Variants in MED1 observed in about 807,000 individuals in gnomAD.
MED1 encodes the protein mediator complex subunit 1, also known as mediator of RNA polymerase II transcription subunit 1.
In MED1, 17 loss-of-function variants were observed where a neutral mutation model predicts 121.3. The observed-to-expected ratio is 0.14, with a 90% CI of 0.10 to 0.21. MED1 has a LOEUF of 0.21. Ranked by LOEUF, MED1 falls within the 10% of genes least tolerant of loss-of-function variation. The probability of loss-of-function intolerance (pLI) is 1.00; values close to 1 mark genes in which losing one functional copy is unlikely to be tolerated. For synonymous variants in MED1, 661 were observed against 694.4 expected, an observed-to-expected ratio of 0.95 and a Z score of 0.76; for missense variants, 1,558 against 1,919.4, an observed-to-expected ratio of 0.81 and a Z score of 3.52.
At chr17:39,428,212 C>T (rs560905563) in intron 9 of MED1, among the ~76,000 whole-genome samples, 4 of 152,100 alleles carry the variant, frequency 2.6e-5, no homozygotes, top group Admixed American at 1.3e-4. Context: ...TGGCCAGGTG[C>T]GGTGGCTCAT....
intron 14 of MED1, among the ~76,000 whole-genome samples, chr17:39,417,990 G>A (rs369379652): frequency 3.3e-5 from 5 of 149,484 alleles, no homozygotes; most frequent in Admixed American, 1.4e-4. Context: ...AGAGGCTGAC[G>A]CAGGAGAATC....
intron 6 of MED1, among the ~76,000 whole-genome samples, chr17:39,436,367 A>C (rs1197923437): frequency 8.6e-6 from 1 of 116,412 alleles, no homozygotes; most frequent in East Asian, 2.8e-4. Flanking sequence ...ACTCAAAAAA[A>C]AGAAAAAAAA....
At chr17:39,450,304 C>G (rs2048770192) in intron 1 of MED1, among the ~76,000 whole-genome samples, 1 of 152,150 alleles carries the variant, frequency 6.6e-6, no homozygotes, top group African/African-American at 2.4e-5. Flanking sequence ...GAGAAACCTG[C>G]TGATAAATAT....
chr17:39,447,783 C>T lies in MED1; in HGVS notation c.132+15G>A, dbSNP rs755586354. On this transcript the variant is annotated intron_variant, in intron 2 of 16. Coordinates refer to ENST00000300651, the MANE Select transcript of MED1 (RefSeq NM_004774.4). ...TCTAAGCAAAACACTTTACCCACTT[C>T]ACCACAATCCTTACCATGACTTGAC... 2.5e-6 allele frequency: 4 copies of T among 1,583,654 alleles called. No homozygotes were observed. Among genetic ancestry groups the T allele is most frequent in the Non-Finnish European group, 3.5e-6 (4 of 1,154,690 alleles).
chr17:39,415,388 C>A (rs1370034919), intron 14 of MED1, 49 bp from the exon 15 acceptor site: 1 of 1,515,412 alleles, frequency 6.6e-7, no homozygotes, highest in Non-Finnish European at 9.1e-7. Context: ...TAAGACTTCA[C>A]ACAGGCTGGG....
At chr17:39,427,613 C>T (rs571385672) in intron 10 of MED1, 88 bp downstream of exon 10, 1 of 937,826 alleles carries the variant, frequency 1.1e-6, no homozygotes. Context: ...GTAAGGTCAA[C>T]AAACTCATTA....
intron 16 of MED1, among the ~76,000 whole-genome samples, chr17:39,414,634 CTTTTTTTTTTTTTTTTTTTTTTT>C (rs55829399): frequency 1.3e-4 from 8 of 61,558 alleles, no homozygotes; most frequent in Admixed American, 4.1e-4. Context: ...CAGGCCCGGC[CTTTTTTTTTTTTTTTTTTTTTTT>C]TTTTTTTTTT....
Position 39,415,085 on chromosome 17 carries a change from G to A in MED1, c.1440C>T (p.Tyr480=). 1 of 1,614,160 alleles carries A rather than the reference G, an allele frequency of 6.2e-7. No homozygotes were observed. Among genetic ancestry groups the A allele is most frequent in the Non-Finnish European group, 8.5e-7 (1 of 1,180,018 alleles). ...AGATCAGTGCATCCGACAGCCCTTT[G>A]TAGAGTTTACAGCTCACATGTGTTG... ...QDSTHVSCKL[Y]KGLSDALICT... The change falls in exon 16 of 17, where the codon TAC becomes TAT. Residue 480 remains tyrosine (Y), a synonymous_variant. Transcript: ENST00000300651.
chr17:39,405,656 A>G lies in MED1; in HGVS notation c.*1819T>C, dbSNP rs1249425403. 1 of 1,034,016 alleles carries G rather than the reference A, an allele frequency of 9.7e-7. No individual in the cohort carries two copies. Among genetic ancestry groups the G allele is most frequent in the East Asian group, 7.9e-5 (1 of 12,686 alleles). 64.1% of individuals were successfully genotyped at this position (1,034,016 alleles called of 1,614,324 possible). A position where few individuals can be genotyped will look rare whatever the true frequency, so the allele number is the denominator to read the frequency against. Reference sequence around the variant, plus strand: ...TTGACTCTGATGTGGTTAATTGATAACTTTTCTTGCTCCACTTTACAATGT... The same window carrying G: ...TTGACTCTGATGTGGTTAATTGATAGCTTTTCTTGCTCCACTTTACAATGT... On this transcript the variant is annotated 3_prime_UTR_variant, in exon 17 of 17. Coordinates refer to ENST00000300651, the MANE Select transcript of MED1 (RefSeq NM_004774.4).
intron 13 of MED1, among the ~76,000 whole-genome samples, chr17:39,422,632 C>T (rs1466120127): frequency 6.6e-6 from 1 of 151,542 alleles, no homozygotes; most frequent in East Asian, 1.9e-4. Flanking sequence ...TGTTCCACCA[C>T]ACCCAGCTAA....
rs138866046 is a variant in MED1, at chr17:39,428,399, G to A, written c.650-609C>T. 9.9e-5 allele frequency among the ~76,000 whole-genome samples: 15 copies of A among 152,150 alleles called. No individual in the cohort carries two copies. The East Asian group carries it at 2.1e-3, about 22-fold the overall frequency. On this transcript the variant is annotated intron_variant, in intron 9 of 16. Coordinates refer to ENST00000300651, the MANE Select transcript of MED1 (RefSeq NM_004774.4). ...TGCAGGAGGCTGAGGCAGAAGAATC[G>A]CTTGAACCCAGGAAGCGGAGGTTAC... is the stretch of plus-strand genomic sequence containing the variant.
intron 10 of MED1, 75 bp downstream of exon 10, chr17:39,427,626 G>C (rs1163717821): frequency 4.6e-6 from 5 of 1,075,860 alleles, no homozygotes; most frequent in Non-Finnish European, 6.9e-6. Context: ...ACTCATTAGA[G>C]AATAGCAAAC....
chr17:39,408,821 T>G lies in MED1; in HGVS notation c.3400A>C (p.Ser1134Arg). 1 of 1,614,124 alleles carries G rather than the reference T, an allele frequency of 6.2e-7. No individual in the cohort carries two copies. The highest frequency in any genetic ancestry group is 8.5e-7 in the Non-Finnish European group (1 of 1,180,000). The part of the protein sequence containing the change: ...SSKLSSSMYS[S>R]QGSSGSSQSK... ...TGGCTAGATCCAGAAGACCCCTGGC[T>G]AGAATACATACTGCTACTTAACTTG... The change falls in exon 17 of 17, where the codon AGC becomes CGC. Residue 1134 changes from serine to arginine, a missense_variant. This residue lies in a region of MED1 where 793 missense variants were observed against 898.2 expected (regional missense o/e 0.88). Transcript: ENST00000300651. This position sits in a 1 kb window ranked among gnomAD's most constrained non-coding sequence, Gnocchi z 4.7.
chr17:39,424,569 T>C (rs2048496517), intron 11 of MED1, 58 bp downstream of exon 11: 3 of 1,140,530 alleles, frequency 2.6e-6, no homozygotes, highest in African/African-American at 3.1e-5. Flanking sequence ...TAAAACTTGT[T>C]ACATACTGCG....
At chr17:39,418,408 C>T (rs186183913) in intron 14 of MED1, among the ~76,000 whole-genome samples, 1 of 152,030 alleles carries the variant, frequency 6.6e-6, no homozygotes, top group East Asian at 1.9e-4. Context: ...TGGTACATGC[C>T]TATAGCCCCA....
At position 39,408,063 on chromosome 17, in the gene MED1, G is replaced by A. The variant is rs2048319847; in HGVS notation, c.4158C>T (p.Ser1386=). Residue 1386 remains serine (S), a synonymous_variant, in exon 17 of 17, where the codon AGC becomes AGT. Transcript: ENST00000300651. This position sits in a 1 kb window ranked among gnomAD's most constrained non-coding sequence, Gnocchi z 4.7. ...KKTSESKNVG[S]TGVAKIIISK... ...TGATGATAATTTTTGCCACACCTGT[G>A]CTCCCCACATTTTTTGACTCTGAGG... is the stretch of plus-strand genomic sequence containing the variant. The A allele has an allele frequency of 1.9e-6, 3 of 1,614,134 alleles. No homozygotes were observed. The highest frequency in any genetic ancestry group is 2.5e-6 in the Non-Finnish European group (3 of 1,180,024).
chr17:39,415,573 G>A (rs187544603), intron 14 of MED1, among the ~76,000 whole-genome samples: 278 of 152,198 alleles, frequency 1.8e-3, no homozygotes, highest in African/African-American at 6.4e-3. Context: ...AACTTTGAGA[G>A]GCTGAGGTGG....
Position 39,410,414 on chromosome 17 carries a change from T to G in MED1, c.1807A>C (p.Ile603Leu), listed in dbSNP as rs1443420601. Residue 603 changes from isoleucine (I) to leucine (L), a missense_variant, in exon 17 of 17, where the codon ATT (isoleucine) becomes CTT (leucine). Around this residue, in one of 5 missense-constraint regions of MED1, gnomAD observed 793 missense variants for 898.2 expected, o/e 0.88. Transcript: ENST00000300651. ...GTGATTTGCAACAAACTGGTAAGAATTGGGTTCTGAGACACCTTGCTGAAG... is the reference window on the plus strand; with the variant it reads ...GTGATTTGCAACAAACTGGTAAGAAGTGGGTTCTGAGACACCTTGCTGAAG... ...EDFSKVSQNPILTSLLQITGN... is the reference protein window; with the variant it reads ...EDFSKVSQNPLLTSLLQITGN... 6.2e-7 allele frequency: 1 copy of G among 1,614,032 alleles called. No individual in the cohort carries two copies.
intron 14 of MED1, among the ~76,000 whole-genome samples, chr17:39,415,830 A>C (rs2048404223): frequency 6.6e-6 from 1 of 150,594 alleles, no homozygotes; most frequent in Non-Finnish European, 1.5e-5. Context: ...AAAAAAAAAA[A>C]AAAAAAAAAA....
Sources: allele counts gnomAD v4.1 joint callset (sites outside exome capture counted in the v4.1 genomes callset), GRCh38; gene constraint gnomAD v4.1.1; regional missense constraint gnomAD v4.1.1; non-coding constraint Gnocchi (gnomAD v3.1); transcripts MANE v1.5; gene names NCBI Gene and HGNC (gene_info 2026-07-23, HGNC 2026-07-21).